NKIRAS1: variants seen among roughly 807,000 people sequenced by gnomAD.
The protein encoded by NKIRAS1 is NF-kappa-B inhibitor-interacting Ras-like protein 1.
In NKIRAS1, 16 loss-of-function variants were observed where a neutral mutation model predicts 19.8. The ratio of observed to expected loss-of-function variants is 0.81; its 90% confidence interval spans 0.55 to 1.23. The LOEUF is 1.23. Among genes scored for constraint, NKIRAS1 ranks in the 50% most tolerant of loss-of-function variants. The pLI is 0.00. For missense variants in NKIRAS1, 184 were observed against 220.0 expected (o/e 0.84, Z 1.04); for synonymous variants, 88 against 79.0 (o/e 1.11, Z -0.61).
At chr3:23,938,514 G>A (rs115294531) in intron 1 of NKIRAS1, among the ~76,000 whole-genome samples, 2,028 of 152,250 alleles carry the variant, frequency 0.013, 42 homozygotes, top group African/African-American at 0.046. Context: ...GCCCAGCCAT[G>A]TTAAAATTTT....
chr3:23,945,492 C>T (rs7644275), intron 1 of NKIRAS1: 2 of 850,268 alleles, frequency 2.4e-6, no homozygotes, highest in Non-Finnish European at 2.9e-6. Flanking sequence ...TGCTTCCAGC[C>T]CGGGGCGGCG....
At position 23,926,583 on chromosome 3, in the gene NKIRAS1, T is replaced by C. The variant is rs115412629; in HGVS notation, c.-139-15133A>G. Among the ~76,000 whole-genome samples, 355 of 152,278 alleles carry C rather than the reference T, an allele frequency of 2.3e-3. 1 individual carries two copies. Among genetic ancestry groups the C allele is most frequent in the Non-Finnish European group, 4.2e-3 (285 of 68,024 alleles). ...AAGTCTAGTTTTACCGTAAAAAGTT[T>C]GATGTATAGATTTCATATGAGAATA... On this transcript the variant is annotated intron_variant, in intron 1 of 4. Coordinates refer to the NKIRAS1 transcript ENST00000421515. This position sits in a 1 kb window ranked among gnomAD's most constrained non-coding sequence, Gnocchi z 4.3.
intron 3 of NKIRAS1, among the ~76,000 whole-genome samples, chr3:23,904,161 G>A (rs1702794133): frequency 6.8e-6 from 1 of 147,908 alleles, no homozygotes; most frequent in Non-Finnish European, 1.5e-5. Context: ...GAAAAAGAAA[G>A]AAAAGAAAAG....
chr3:23,945,617 TG>T, intron 1 of NKIRAS1: 1 of 1,016,926 alleles, frequency 9.8e-7, no homozygotes, highest in Non-Finnish European at 1.2e-6. Context: ...CTGCGGCGGG[TG>T]GGGGATGGCC....
intron 3 of NKIRAS1, among the ~76,000 whole-genome samples, chr3:23,909,854 GT>G (rs899380466): frequency 2.2e-5 from 3 of 133,426 alleles, no homozygotes; most frequent in African/African-American, 7.9e-5. Flanking sequence ...AGTTGTTTTT[GT>G]TTTTTTTTGT....
intron 1 of NKIRAS1, among the ~76,000 whole-genome samples, chr3:23,930,056 A>G (rs900633004): frequency 7.2e-5 from 11 of 152,226 alleles, no homozygotes; most frequent in Non-Finnish European, 1.3e-4. Flanking sequence ...TTATAAGTAC[A>G]TAGAATATGT....
At chr3:23,943,530 CCA>C (rs1036003901) in intron 1 of NKIRAS1, among the ~76,000 whole-genome samples, 1 of 152,276 alleles carries the variant, frequency 6.6e-6, no homozygotes, top group African/African-American at 2.4e-5. Flanking sequence ...CGCGCCCAGC[CCA>C]GTTTTGCCTT....
chr3:23,912,570 G>C (rs1327476504), intron 1 of NKIRAS1, among the ~76,000 whole-genome samples: 3 of 152,154 alleles, frequency 2.0e-5, no homozygotes, highest in African/African-American at 4.8e-5. Flanking sequence ...TGGAGAAATA[G>C]GAACACTTTT....
chr3:23,945,051 A>G (rs1301831602), intron 1 of NKIRAS1, among the ~76,000 whole-genome samples: 3 of 151,492 alleles, frequency 2.0e-5, no homozygotes, highest in African/African-American at 7.3e-5. Flanking sequence ...TATGCGGCGG[A>G]GGGAAACGGA....
chr3:23,926,329 G>T lies in NKIRAS1; in HGVS notation c.-139-14879C>A, dbSNP rs988092128. 4.6e-5 allele frequency among the ~76,000 whole-genome samples: 7 copies of T among 152,316 alleles called. No homozygotes were observed. Among genetic ancestry groups the T allele is most frequent in the African/African-American group, 1.7e-4 (7 of 41,562 alleles). On this transcript the variant is annotated intron_variant, in intron 1 of 4. Transcript: ENST00000421515. The surrounding 1 kb of genome is among the most constrained non-coding windows in gnomAD (Gnocchi z 4.3). ...GGACTCCCAAAGTGCTGGGATTATAGGTATGAGCCATGGCGCCCGGCCATA... is the reference window on the plus strand; with the variant it reads ...GGACTCCCAAAGTGCTGGGATTATATGTATGAGCCATGGCGCCCGGCCATA...
In NKIRAS1 at chr3:23,926,441, G is replaced by A. The variant is rs574185401; in HGVS notation, c.-139-14991C>T. On this transcript the variant is annotated intron_variant, in intron 1 of 4. Coordinates refer to the NKIRAS1 transcript ENST00000421515. The surrounding 1 kb of genome is among the most constrained non-coding windows in gnomAD (Gnocchi z 4.3). ...CTTCCTCCTCCTCCTCTTGCTCCTC[G>A]TCCTCCTCTTCTCTCTTTTTTCTCT... 1.2e-4 allele frequency among the ~76,000 whole-genome samples: 18 copies of A among 149,918 alleles called. No individual in the cohort carries two copies. The highest frequency in any genetic ancestry group is 1.6e-4 in the Non-Finnish European group (11 of 67,582).
At chr3:23,900,141 G>A (rs1233415460) in intron 4 of NKIRAS1, among the ~76,000 whole-genome samples, 1 of 151,786 alleles carries the variant, frequency 6.6e-6, no homozygotes, top group East Asian at 2.0e-4. Flanking sequence ...CAGCCTGGGT[G>A]AAAGAGAGAG....
chr3:23,941,322 A>G (rs1220205911), intron 1 of NKIRAS1, among the ~76,000 whole-genome samples: 2 of 152,146 alleles, frequency 1.3e-5, no homozygotes, highest in Non-Finnish European at 2.9e-5. Flanking sequence ...GACTCTTAAC[A>G]TTTAGGCTCT....
chr3:23,894,067 A>C (rs988757857), intron 4 of NKIRAS1, among the ~76,000 whole-genome samples: 8 of 152,190 alleles, frequency 5.3e-5, no homozygotes, highest in Non-Finnish European at 8.8e-5. Flanking sequence ...TCACAATACT[A>C]AAAAGGTGAC....
chr3:23,924,433 G>A (rs948970460), intron 1 of NKIRAS1: 3 of 152,206 alleles, frequency 2.0e-5, no homozygotes, highest in African/African-American at 7.2e-5. Context: ...TTTTTGAGAC[G>A]AGTCTCTGTC....
At chr3:23,912,013 C>T (rs1350342313) in intron 1 of NKIRAS1, among the ~76,000 whole-genome samples, 2 of 151,720 alleles carry the variant, frequency 1.3e-5, no homozygotes, top group Admixed American at 1.3e-4. Flanking sequence ...ATCCGCCTGC[C>T]TTGGCCTCCC....
chr3:23,929,569 G>A (rs1377883058), intron 1 of NKIRAS1, among the ~76,000 whole-genome samples: 2 of 151,924 alleles, frequency 1.3e-5, no homozygotes, highest in South Asian at 2.1e-4. Flanking sequence ...AGGGACTAGA[G>A]TTATGTGCCA....
upstream of NKIRAS1, chr3:23,918,865 A>G (rs983129797): frequency 2.0e-6 from 1 of 505,000 alleles, no homozygotes; most frequent in African/African-American, 1.9e-5. Context: ...AAATATTTTT[A>G]AAGCTAAACG....
At chr3:23,946,379 C>G (rs1442893839) in exon 1 of NKIRAS1, 2 of 845,784 alleles carry the variant, frequency 2.4e-6, no homozygotes, top group Non-Finnish European at 2.8e-6. Flanking sequence ...CCGGAGGAGG[C>G]GCCTCGGGGA....
Sources: allele counts gnomAD v4.1 joint callset (sites outside exome capture counted in the v4.1 genomes callset), GRCh38; gene constraint gnomAD v4.1.1; non-coding constraint Gnocchi (gnomAD v3.1); transcripts MANE v1.5; gene names NCBI Gene and HGNC (gene_info 2026-07-23, HGNC 2026-07-21).